IPO8: variants seen among roughly 807,000 people sequenced by gnomAD.
IPO8 encodes importin 8.
Under a neutral mutation model 141.2 loss-of-function variants are expected in IPO8, and 65 were observed. The ratio of observed to expected loss-of-function variants is 0.46; its 90% CI spans 0.38 to 0.57. The LOEUF is 0.57. Among genes scored for constraint, IPO8 ranks in the 20% least tolerant of loss-of-function variants. The probability of loss-of-function intolerance (pLI) is 0.00; values close to 1 mark genes in which losing one functional copy is unlikely to be tolerated. For synonymous variants in IPO8, 411 were observed against 420.3 expected (o/e 0.98, Z 0.27); for missense variants, 980 against 1,246.8 (o/e 0.79, Z 3.22).
Position 30,631,982 on chromosome 12 carries a change from G to A in IPO8, c.2929C>T (p.Gln977Ter), listed in dbSNP as rs2052439355. 2 of 1,612,836 alleles carry A rather than the reference G, an allele frequency of 1.2e-6. No individual in the cohort carries two copies. The highest frequency in any genetic ancestry group is 8.5e-7 in the Non-Finnish European group (1 of 1,179,898). Residue 977 changes from glutamine (Q) to a stop codon, truncating the protein, a stop_gained, in exon 24 of 25, where the codon CAG becomes TAG. Coordinates refer to ENST00000256079, the MANE Select transcript of IPO8 (RefSeq NM_006390.4). LOFTEE classifies it high-confidence loss of function. ...TVQSRDAAWY[Q>*]LLMAPLSEDQ... ...TCGCTGAGTGGTGCCATCAGCAGCT[G>A]GTACCAGGCTGCATCTCGACTCTGC...
chr12:30,631,825 G>T, intron 24 of IPO8, 70 bp downstream of exon 24: 2 of 935,872 alleles, frequency 2.1e-6, no homozygotes, highest in Non-Finnish European at 1.7e-6. Context: ...GTGCCACCTG[G>T]CTCATCAAAT....
At chr12:30,676,613 C>A in intron 5 of IPO8, 26 bp from the exon 6 acceptor site, 1 of 1,507,968 alleles carries the variant, frequency 6.6e-7, no homozygotes, top group South Asian at 1.1e-5. Flanking sequence ...ACAACATGAA[C>A]AGTAATTCCT....
chr12:30,663,468 T>C (rs1452037056), intron 14 of IPO8, 21 bp downstream of exon 14: 1 of 1,590,530 alleles, frequency 6.3e-7, no homozygotes, highest in Non-Finnish European at 8.6e-7. Context: ...AGAAGATGTC[T>C]AAAAGGTATT....
intron 8 of IPO8, among the ~76,000 whole-genome samples, chr12:30,671,759 C>T (rs1794170994): frequency 6.7e-6 from 1 of 149,382 alleles, no homozygotes; most frequent in Non-Finnish European, 1.5e-5. Flanking sequence ...CAAGAGACAG[C>T]ACAAAGATGT....
chr12:30,666,237 A>G lies in IPO8; in HGVS notation c.1159T>C (p.Tyr387His). 1 of 1,582,380 alleles carries G rather than the reference A, an allele frequency of 6.3e-7. No homozygotes were observed. The highest frequency in any genetic ancestry group is 8.6e-7 in the Non-Finnish European group (1 of 1,159,816). ...IRMKFDIFED[Y>H]ASPTTAAQTL... The stretch of plus-strand genomic sequence containing the variant: ...TGGGCTGCTGTGGTGGGAGAAGCAT[A>G]ATCTTCAAAAATATCTAAGATTTTA... Residue 387 changes from tyrosine to histidine, a missense_variant, in exon 11 of 25, where the codon TAT becomes CAT. Around this residue, in one of 3 missense-constraint regions of IPO8, gnomAD observed 924 missense variants for 1,153.9 expected, o/e 0.80. Transcript: ENST00000256079.
intron 10 of IPO8, 136 bp downstream of exon 10, chr12:30,669,047 C>G: frequency 2.0e-6 from 1 of 501,598 alleles, no homozygotes; most frequent in Non-Finnish European, 3.5e-6. Context: ...ATCAAACTCT[C>G]AAAGTTTCAG....
At chr12:30,633,977 T>G (rs528070864) in intron 23 of IPO8, 106 bp downstream of exon 23, 4 of 981,546 alleles carry the variant, frequency 4.1e-6, no homozygotes, top group South Asian at 3.4e-5. Context: ...ACAAAAAAAT[T>G]TTTAAAAGAA....
chr12:30,671,147 A>T, intron 8 of IPO8, 51 bp from the exon 9 acceptor site: 1 of 1,293,426 alleles, frequency 7.7e-7, no homozygotes, highest in South Asian at 1.3e-5. Context: ...TAAGGTTAAA[A>T]GGGGGAGGTG....
At chr12:30,687,076 A>T (rs1298182997) in intron 2 of IPO8, among the ~76,000 whole-genome samples, 1 of 152,162 alleles carries the variant, frequency 6.6e-6, no homozygotes, top group Non-Finnish European at 1.5e-5. Flanking sequence ...TAATCATTTA[A>T]TTCAAGTGCC....
intron 6 of IPO8, among the ~76,000 whole-genome samples, chr12:30,675,429 A>G (rs117811378): frequency 7.4e-4 from 112 of 152,320 alleles, no homozygotes; most frequent in Non-Finnish European, 1.4e-3. Flanking sequence ...TAGTTTATCC[A>G]AAGAAAATAA....
chr12:30,651,793 T>C (rs2052730245), intron 19 of IPO8, among the ~76,000 whole-genome samples: 1 of 152,040 alleles, frequency 6.6e-6, no homozygotes. Context: ...ACTATTAAAA[T>C]TTTTATCTTA....
At chr12:30,693,971 G>A (rs1315668442) in intron 1 of IPO8, among the ~76,000 whole-genome samples, 5 of 152,128 alleles carry the variant, frequency 3.3e-5, no homozygotes, top group Admixed American at 6.5e-5. Flanking sequence ...TAGTTCTGCA[G>A]GCTTTCTCAT....
At chr12:30,662,054 C>T (rs1215226124) in intron 15 of IPO8, among the ~76,000 whole-genome samples, 2 of 152,132 alleles carry the variant, frequency 1.3e-5, no homozygotes, top group Non-Finnish European at 2.9e-5. Flanking sequence ...GCCTATTGCT[C>T]CAAGGCCACA....
At chr12:30,636,747 T>C (rs78777107) in intron 22 of IPO8, among the ~76,000 whole-genome samples, 2 of 152,154 alleles carry the variant, frequency 1.3e-5, no homozygotes, top group African/African-American at 4.8e-5. Context: ...CAGCATCTAT[T>C]AGGCTCCATA....
chr12:30,651,573 G>T (rs988938155), intron 19 of IPO8, among the ~76,000 whole-genome samples: 1 of 152,092 alleles, frequency 6.6e-6, no homozygotes, highest in Non-Finnish European at 1.5e-5. Flanking sequence ...ATGTGTGTGT[G>T]TGTGTGTATG....
Position 30,635,269 on chromosome 12 carries a change from T to C in IPO8, c.2696-983A>G, listed in dbSNP as rs569084834. Among the ~76,000 whole-genome samples the C allele has an allele frequency of 4.5e-4, 69 of 152,184 alleles. 1 individual carries two copies. The South Asian group carries it at 0.013, about 29-fold the overall frequency. ...GGTATCTATTGTACAGCATGGTGAA[T>C]ACAGTTAATAGTATATGTACATTTC... is the stretch of plus-strand genomic sequence containing the variant. On this transcript the variant is annotated intron_variant, in intron 22 of 24. Coordinates refer to ENST00000256079, the MANE Select transcript of IPO8 (RefSeq NM_006390.4).
chr12:30,653,353 A>G (rs551734886), intron 17 of IPO8, among the ~76,000 whole-genome samples: 1 of 152,168 alleles, frequency 6.6e-6, no homozygotes, highest in East Asian at 1.9e-4. Flanking sequence ...TGAAAAAATA[A>G]AGTTTTTTTC....
chr12:30,634,401 A>C (rs766458790), intron 22 of IPO8, 115 bp from the exon 23 acceptor site: 1 of 734,978 alleles, frequency 1.4e-6, no homozygotes, highest in Non-Finnish European at 2.2e-6. Context: ...AAAATCTTCC[A>C]CAAAATTTTA....
chr12:30,661,125 C>A lies in IPO8; in HGVS notation c.1881+16G>T. ...TAAATGCTACTATTATATCATAAAC[C>A]ACAAAGAAATCTCACCTCTTTATGA... On this transcript the variant is annotated intron_variant, in intron 16 of 24. Coordinates refer to ENST00000256079, the MANE Select transcript of IPO8 (RefSeq NM_006390.4). 2 of 1,487,074 alleles carry A rather than the reference C, an allele frequency of 1.3e-6. No individual in the cohort carries two copies. Among genetic ancestry groups the A allele is most frequent in the South Asian group, 1.4e-5 (1 of 72,200 alleles). The allele number at this position is 1,487,074 out of a possible 1,614,324, so 92.1% of individuals were successfully genotyped here. A position where few individuals can be genotyped will look rare whatever the true frequency, so the allele number is the denominator to read the frequency against.
Sources: gnomAD v4.1 joint callset for allele counts (sites outside exome capture counted in the v4.1 genomes callset) on GRCh38, gnomAD v4.1.1 for gene constraint, gnomAD v4.1.1 regional missense constraint, MANE v1.5 for transcripts, NCBI Gene and HGNC (gene_info 2026-07-23, HGNC 2026-07-21) for gene names.